Variants in SESTD1 observed in about 807,000 individuals in gnomAD.
The protein encoded by SESTD1 is SEC14 and spectrin domain containing 1, also known as SEC14 domain and spectrin repeat-containing protein 1.
A neutral mutation model predicts 101.7 loss-of-function variants in SESTD1; 43 were observed. The observed-to-expected ratio is 0.42, with a 90% CI of 0.33 to 0.55. The LOEUF is 0.55. SESTD1 is among the 20% of genes least tolerant of loss of function. The probability of loss-of-function intolerance (pLI) is 0.07; values close to 1 mark genes in which losing one functional copy is unlikely to be tolerated. For synonymous variants in SESTD1, 283 were observed against 286.8 expected (o/e 0.99, Z 0.13); for missense variants, 647 against 815.1 (o/e 0.79, Z 2.51).
intron 1 of SESTD1, among the ~76,000 whole-genome samples, chr2:179,246,585 C>T (rs1456106942): frequency 6.6e-6 from 1 of 152,224 alleles, no homozygotes; most frequent in East Asian, 1.9e-4. Flanking sequence ...CTACATCAAC[C>T]AACCAGATCT....
intron 9 of SESTD1, among the ~76,000 whole-genome samples, chr2:179,134,873 A>C (rs916853527): frequency 6.6e-6 from 1 of 152,238 alleles, no homozygotes; most frequent in Non-Finnish European, 1.5e-5. Context: ...TATCTGAAAC[A>C]TCCACCAATT....
At chr2:179,126,544 T>G (rs1278778100) in intron 10 of SESTD1, among the ~76,000 whole-genome samples, 4 of 152,150 alleles carry the variant, frequency 2.6e-5, no homozygotes, top group African/African-American at 7.2e-5. Context: ...TCCCATGCCT[T>G]TAAATAGATC....
intron 9 of SESTD1, among the ~76,000 whole-genome samples, chr2:179,141,065 T>C (rs139547387): frequency 5.4e-4 from 82 of 152,310 alleles, no homozygotes; most frequent in African/African-American, 1.9e-3. Context: ...ATGCTTTTAA[T>C]TACCATTCAC....
At position 179,209,890 on chromosome 2, in the gene SESTD1, C is replaced by T. The variant is rs1252230472; in HGVS notation, c.-25-18024G>A. Among the ~76,000 whole-genome samples, 3 of 131,078 alleles carry T rather than the reference C, an allele frequency of 2.3e-5. 1 individual carries two copies. Among genetic ancestry groups the T allele is most frequent in the Non-Finnish European group, 4.9e-5 (3 of 61,310 alleles). The allele number at this position is 131,078 out of a possible 152,430, so 86.0% of individuals were successfully genotyped here. ...GCAGAACTAAATGAAACTGAAACAA[C>T]AACAAAAAAAGATAAATGAAAAAAA... On this transcript the variant is annotated intron_variant, in intron 1 of 17. Coordinates refer to ENST00000428443, the MANE Select transcript of SESTD1 (RefSeq NM_178123.5).
intron 10 of SESTD1, 35 bp from the exon 11 acceptor site, chr2:179,124,593 C>T: frequency 6.6e-7 from 1 of 1,507,228 alleles, no homozygotes; most frequent in Non-Finnish European, 9.2e-7. Flanking sequence ...AACTAAGGCT[C>T]AAATTAGTTC....
intron 3 of SESTD1, among the ~76,000 whole-genome samples, chr2:179,182,639 A>T (rs558734849): frequency 6.6e-6 from 1 of 152,276 alleles, no homozygotes; most frequent in Non-Finnish European, 1.5e-5. Context: ...AGATTAAAAT[A>T]TAAACAAACA....
intron 8 of SESTD1, among the ~76,000 whole-genome samples, chr2:179,145,960 G>A (rs2045385771): frequency 6.7e-6 from 1 of 149,904 alleles, no homozygotes; most frequent in Non-Finnish European, 1.5e-5. Context: ...CAAATTAAGA[G>A]AGAGATTATT....
intron 1 of SESTD1, among the ~76,000 whole-genome samples, chr2:179,209,859 A>T (rs2046629478): frequency 7.4e-6 from 1 of 134,308 alleles, no homozygotes; most frequent in Non-Finnish European, 1.6e-5. Context: ...AGAAATAAAG[A>T]TCAGAGCAGA....
intron 17 of SESTD1, among the ~76,000 whole-genome samples, chr2:179,112,268 G>C (rs1429045894): frequency 6.6e-6 from 1 of 152,078 alleles, no homozygotes; most frequent in Non-Finnish European, 1.5e-5. Flanking sequence ...AATCTCTGTG[G>C]GCCTCAGTTT....
chr2:179,248,732 A>T (rs2047269174), intron 1 of SESTD1, among the ~76,000 whole-genome samples: 1 of 152,076 alleles, frequency 6.6e-6, no homozygotes, highest in Admixed American at 6.5e-5. Context: ...TGCATTAAAA[A>T]CTTAAAGCTA....
At position 179,103,345 on chromosome 2, in the gene SESTD1, A is replaced by G. The variant is rs2044312205; in HGVS notation, c.*6554T>C. Reference sequence around the variant, plus strand: ...TTTACACCTTTATGCACATCAAAATACAAAATACAGGGCACAATAAAACTG... The same window carrying G: ...TTTACACCTTTATGCACATCAAAATGCAAAATACAGGGCACAATAAAACTG... On this transcript the variant is annotated 3_prime_UTR_variant, in exon 18 of 18. Transcript: ENST00000428443. The G allele has an allele frequency of 6.6e-6, 1 of 152,146 alleles. No individual in the cohort carries two copies. The highest frequency in any genetic ancestry group is 2.1e-4 in the South Asian group (1 of 4,830). 9.4% of individuals were successfully genotyped at this position (152,146 alleles called of 1,614,324 possible).
intron 15 of SESTD1, among the ~76,000 whole-genome samples, chr2:179,115,966 T>A (rs2154393793): frequency 6.6e-6 from 1 of 152,148 alleles, no homozygotes; most frequent in East Asian, 1.9e-4. Context: ...CGTGAACTCA[T>A]TATTAGGGAA....
At chr2:179,169,803 C>G (rs928391134) in intron 5 of SESTD1, among the ~76,000 whole-genome samples, 1 of 151,874 alleles carries the variant, frequency 6.6e-6, no homozygotes, top group Non-Finnish European at 1.5e-5. Context: ...AGAGAAACCC[C>G]GTCTCTACTA....
intron 1 of SESTD1, among the ~76,000 whole-genome samples, chr2:179,214,471 G>A (rs1559146594): frequency 7.5e-6 from 1 of 133,940 alleles, no homozygotes; most frequent in Non-Finnish European, 1.6e-5. Flanking sequence ...CCCAATACAG[G>A]AGCACCCAGA....
rs2046570366 is a variant in SESTD1, at chr2:179,204,889, A to G, written c.-25-13023T>C. On this transcript the variant is annotated intron_variant, in intron 1 of 17. Transcript: ENST00000428443. ...TATGGGATGTTCCCCCAGAAAAAAAAAAAATTCAACCTTGAGGAAGAAATG... is the reference window on the plus strand; with the variant it reads ...TATGGGATGTTCCCCCAGAAAAAAAGAAAATTCAACCTTGAGGAAGAAATG... 1.5e-5 allele frequency among the ~76,000 whole-genome samples: 2 copies of G among 135,250 alleles called. 1 individual carries two copies. Among genetic ancestry groups the G allele is most frequent in the African/African-American group, 5.8e-5 (2 of 34,294 alleles). The allele number at this position is 135,250 out of a possible 152,430, so 88.7% of individuals were successfully genotyped here.
intron 5 of SESTD1, among the ~76,000 whole-genome samples, chr2:179,162,901 G>A (rs1443169532): frequency 6.6e-6 from 1 of 150,988 alleles, no homozygotes; most frequent in Non-Finnish European, 1.5e-5. Context: ...TGAGGCAGGA[G>A]AATCGCTTGA....
intron 1 of SESTD1, among the ~76,000 whole-genome samples, chr2:179,250,695 A>G (rs2047304108): frequency 8.7e-6 from 1 of 114,716 alleles, no homozygotes; most frequent in African/African-American, 5.7e-5. Context: ...TTCAACTAAA[A>G]TCACTTTTTA....
intron 2 of SESTD1, among the ~76,000 whole-genome samples, chr2:179,190,417 G>A (rs2046302979): frequency 1.3e-5 from 2 of 151,932 alleles, no homozygotes; most frequent in African/African-American, 4.8e-5. Flanking sequence ...TTAAACCTAA[G>A]GCCTAAAACT....
At chr2:179,197,511 A>G (rs13396340) in intron 1 of SESTD1, among the ~76,000 whole-genome samples, 42,935 of 151,772 alleles carry the variant, frequency 0.28, 6,286 homozygotes, top group South Asian at 0.43. Flanking sequence ...TAATTGTCAG[A>G]TTCACCAAAG....
Sources: allele counts gnomAD v4.1 joint callset (sites outside exome capture counted in the v4.1 genomes callset), GRCh38; gene constraint gnomAD v4.1.1; transcripts MANE v1.5; gene names NCBI Gene and HGNC (gene_info 2026-07-23, HGNC 2026-07-21).